The following SHISA6 variants were observed in gnomAD, a reference collection of about 807,000 sequenced individuals.
SHISA6 encodes the protein shisa family member 6.
A neutral mutation model predicts 47.9 loss-of-function variants in SHISA6; 22 were observed. That is an observed-to-expected ratio of 0.46 (90% CI 0.33 to 0.66). The LOEUF (loss-of-function observed/expected upper bound fraction) is 0.66, where lower values mean the gene tolerates loss of function less well. SHISA6 is among the 30% of genes least tolerant of loss of function. SHISA6 has a pLI of 0.02. For missense variants in SHISA6, 680 were observed against 764.6 expected (o/e 0.89, Z 1.30); for synonymous variants, 388 against 337.8 (o/e 1.15, Z -1.63).
At chr17:11,364,153 TG>T (rs1220623254) in intron 2 of SHISA6, among the ~76,000 whole-genome samples, 1 of 152,228 alleles carries the variant, frequency 6.6e-6, no homozygotes, top group African/African-American at 2.4e-5. Flanking sequence ...ATTAATCTTG[TG>T]TATATAACTT....
chr17:11,241,586 G>T lies in SHISA6; in HGVS notation c.164G>T (p.Gly55Val). ...RRAGGALARG[G>V]RELNGTARAP... is the part of the protein sequence containing the mutation. ...GCCGGGGGCGCCCTGGCACGGGGCG[G>T]CCGCGAGCTGAACGGCACCGCCCGG... The change falls in exon 1 of 6, where the codon GGC becomes GTC. Residue 55 changes from glycine to valine, a missense_variant. By Grantham distance (109) the Gly-to-Val change is moderately radical. Transcript: ENST00000441885. The surrounding 1 kb of genome is among the most constrained non-coding windows in gnomAD (Gnocchi z 5.5). The T allele has an allele frequency of 8.6e-7, 1 of 1,162,826 alleles. No individual in the cohort carries two copies. Among genetic ancestry groups the T allele is most frequent in the Non-Finnish European group, 1.1e-6 (1 of 947,166 alleles). 72.0% of individuals were successfully genotyped at this position (1,162,826 alleles called of 1,614,324 possible).
intron 1 of SHISA6, among the ~76,000 whole-genome samples, chr17:11,263,124 ATAAAT>A (rs762805351): frequency 2.0e-5 from 3 of 152,226 alleles, no homozygotes; most frequent in Non-Finnish European, 4.4e-5. Context: ...CTGATGTGAA[ATAAAT>A]TAAAGAAAGA....
intron 2 of SHISA6, among the ~76,000 whole-genome samples, chr17:11,274,549 C>T (rs1008650482): frequency 6.6e-6 from 1 of 152,126 alleles, no homozygotes; most frequent in Non-Finnish European, 1.5e-5. Context: ...AGAGCCCAGC[C>T]TCCATCTGAG....
chr17:11,316,960 G>A (rs1910545491), intron 2 of SHISA6, among the ~76,000 whole-genome samples: 1 of 152,092 alleles, frequency 6.6e-6, no homozygotes, highest in Non-Finnish European at 1.5e-5. Context: ...AGACAGTTAT[G>A]ATTTTGGCTG....
intron 3 of SHISA6, among the ~76,000 whole-genome samples, chr17:11,515,057 G>A (rs370868210): frequency 4.6e-5 from 7 of 152,046 alleles, no homozygotes; most frequent in Non-Finnish European, 8.8e-5. Context: ...ACCACAGTGG[G>A]TGATGATGCC....
At chr17:11,508,135 C>T (rs146293940) in intron 3 of SHISA6, among the ~76,000 whole-genome samples, 7 of 152,378 alleles carry the variant, frequency 4.6e-5, no homozygotes, top group African/African-American at 1.7e-4. Context: ...AAACCCTGGA[C>T]TGGAAGTCAA....
intron 2 of SHISA6, among the ~76,000 whole-genome samples, chr17:11,354,835 G>A (rs1350217203): frequency 6.6e-6 from 1 of 152,140 alleles, no homozygotes; most frequent in Non-Finnish European, 1.5e-5. Context: ...TGTGACGGAA[G>A]GCTCTCTTTC....
intron 2 of SHISA6, among the ~76,000 whole-genome samples, chr17:11,270,621 G>A (rs1298795496): frequency 6.6e-6 from 1 of 152,198 alleles, no homozygotes. Flanking sequence ...TGAAGCACAA[G>A]AGCAGCCATA....
intron 1 of SHISA6, among the ~76,000 whole-genome samples, chr17:11,249,987 A>G (rs1469404952): frequency 6.6e-6 from 1 of 152,226 alleles, no homozygotes; most frequent in Non-Finnish European, 1.5e-5. Flanking sequence ...AGGAACGACA[A>G]TTATTGGCCT....
chr17:11,434,251 A>T (rs1423464996), intron 3 of SHISA6, among the ~76,000 whole-genome samples: 1 of 151,780 alleles, frequency 6.6e-6, no homozygotes, highest in Non-Finnish European at 1.5e-5. Flanking sequence ...TTTAGTAGAG[A>T]TGGGCTTTCA....
intron 2 of SHISA6, among the ~76,000 whole-genome samples, chr17:11,346,664 A>C (rs1303340176): frequency 9.2e-5 from 14 of 152,208 alleles, no homozygotes; most frequent in Non-Finnish European, 2.1e-4. Flanking sequence ...TCCCAATAAT[A>C]TATCATTCTA....
intron 3 of SHISA6, among the ~76,000 whole-genome samples, chr17:11,449,426 G>C (rs1425772766): frequency 6.6e-6 from 1 of 151,786 alleles, no homozygotes; most frequent in Non-Finnish European, 1.5e-5. Context: ...CTAGGTGACA[G>C]AGCGAGACTC....
rs531217859 is a variant in SHISA6, at chr17:11,257,033, A to T, written c.639-6333A>T. 5.3e-5 allele frequency among the ~76,000 whole-genome samples: 8 copies of T among 152,280 alleles called. No homozygotes were observed. The East Asian group carries it at 1.5e-3, about 29-fold the overall frequency. On this transcript the variant is annotated intron_variant, in intron 1 of 5. Coordinates refer to ENST00000441885, the MANE Select transcript of SHISA6 (RefSeq NM_207386.4). ...ATGAATTTCAATTGTGCTGGGGACA[A>T]CTCAGACCTGCAGAACAGCTCAATG...
intron 3 of SHISA6, among the ~76,000 whole-genome samples, chr17:11,466,414 A>C (rs1361647353): frequency 2.0e-5 from 3 of 152,114 alleles, no homozygotes; most frequent in Non-Finnish European, 2.9e-5. Flanking sequence ...CCCCCCACCC[A>C]AGGTCCCCCA....
At chr17:11,311,646 AT>A (rs1453089179) in intron 2 of SHISA6, among the ~76,000 whole-genome samples, 1 of 152,260 alleles carries the variant, frequency 6.6e-6, no homozygotes, top group Non-Finnish European at 1.5e-5. Flanking sequence ...ACTTTAAAAA[AT>A]AGCACACCCA....
At chr17:11,399,340 T>C (rs901977353) in intron 3 of SHISA6, among the ~76,000 whole-genome samples, 12 of 152,220 alleles carry the variant, frequency 7.9e-5, no homozygotes, top group Non-Finnish European at 1.5e-4. Context: ...TACTAATCAA[T>C]ATTGAGTGTA....
intron 2 of SHISA6, among the ~76,000 whole-genome samples, chr17:11,291,498 G>T (rs940430773): frequency 3.3e-5 from 5 of 152,074 alleles, no homozygotes; most frequent in Non-Finnish European, 5.9e-5. Context: ...GCCGGGCATG[G>T]TGGCGGGCGC....
At chr17:11,273,125 A>C (rs148125630) in intron 2 of SHISA6, among the ~76,000 whole-genome samples, 224 of 152,368 alleles carry the variant, frequency 1.5e-3, no homozygotes, top group African/African-American at 5.0e-3. Flanking sequence ...GGCAGGTACC[A>C]TTATAATGCC....
Position 11,348,389 on chromosome 17 carries a change from T to A in SHISA6, c.800-31025T>A, listed in dbSNP as rs567127383. 7.2e-5 allele frequency among the ~76,000 whole-genome samples: 11 copies of A among 152,282 alleles called. No individual in the cohort carries two copies. In the South Asian group the frequency reaches 2.1e-3, roughly 29 times the overall value. ...TGTCAACTATAAATGATTTTTTGCC[T>A]CTTGTTAAAGCAGGCTTTAAAGACT... is the stretch of plus-strand genomic sequence containing the variant. On this transcript the variant is annotated intron_variant, in intron 2 of 5. Coordinates refer to ENST00000441885, the MANE Select transcript of SHISA6 (RefSeq NM_207386.4).
Sources: allele counts gnomAD v4.1 joint callset (sites outside exome capture counted in the v4.1 genomes callset), GRCh38; gene constraint gnomAD v4.1.1; non-coding constraint Gnocchi (gnomAD v3.1); transcripts MANE v1.5; gene names NCBI Gene and HGNC (gene_info 2026-07-23, HGNC 2026-07-21).